The following FARSA variants were observed in gnomAD, a reference collection of about 807,000 sequenced individuals.
FARSA encodes the protein phenylalanyl-tRNA synthetase subunit alpha, also known as phenylalanine--tRNA ligase alpha subunit.
FARSA carries 37 observed loss-of-function variants against 63.2 expected under a neutral mutation model. The ratio of observed to expected loss-of-function variants is 0.59; its 90% CI spans 0.45 to 0.77. The LOEUF is 0.77. FARSA is among the 30% of genes least tolerant of loss of function. FARSA has a pLI of 0.00. For synonymous variants in FARSA, 312 were observed against 285.1 expected (o/e 1.09, Z -0.95); for missense variants, 618 against 696.6 (o/e 0.89, Z 1.27).
rs1971296896 is a variant in FARSA at position 12,924,117 on chromosome 19, G to A, written c.1388+34C>T. On this transcript the variant is annotated intron_variant, in intron 12 of 12. Coordinates refer to ENST00000314606, the MANE Select transcript of FARSA (RefSeq NM_004461.3). This position sits in a 1 kb window ranked among gnomAD's most constrained non-coding sequence, Gnocchi z 6.4. ...TATACCTGGAGAGTTATTTGAGGCA[G>A]CTGGACACCCCGAGTTTCCACTTGG... 1.3e-6 allele frequency: 2 copies of A among 1,546,068 alleles called. No individual in the cohort carries two copies. Among genetic ancestry groups the A allele is most frequent in the Non-Finnish European group, 1.8e-6 (2 of 1,117,834 alleles).
intron 7 of FARSA, among the ~76,000 whole-genome samples, chr19:12,928,021 C>A (rs1196602822): frequency 1.3e-4 from 2 of 14,818 alleles, no homozygotes; most frequent in East Asian, 8.3e-3. Context: ...GAGACCCTGT[C>A]TCAAAAAAAA....
Position 12,928,361 on chromosome 19 carries a change from G to T in FARSA, c.822C>A (p.His274Gln). Residue 274 changes from histidine to glutamine, a missense_variant, in exon 7 of 13, where the codon CAC becomes CAA. By Grantham distance (24) the His-to-Gln change is conservative (BLOSUM62 0). Coordinates refer to ENST00000314606, the MANE Select transcript of FARSA (RefSeq NM_004461.3). ...QPQQHPARDQ[H>Q]DTFFLRDPAE... ...ACCCACCTCGAAGGAAGAAGGTGTCGTGCTGGTCACGGGCTGGGTGCTGCT... is the reference window on the plus strand; with the variant it reads ...ACCCACCTCGAAGGAAGAAGGTGTCTTGCTGGTCACGGGCTGGGTGCTGCT... 6.2e-7 allele frequency: 1 copy of T among 1,614,034 alleles called. No homozygotes were observed. Among genetic ancestry groups the T allele is most frequent in the Non-Finnish European group, 8.5e-7 (1 of 1,179,980 alleles).
In FARSA at chr19:12,930,665, C is replaced by G. The variant is rs747205420; in HGVS notation, c.232G>C (p.Ala78Pro). The G allele has an allele frequency of 6.2e-7, 1 of 1,613,902 alleles. No individual in the cohort carries two copies. The highest frequency in any genetic ancestry group is 8.5e-7 in the Non-Finnish European group (1 of 1,179,996). Residue 78 changes from alanine to proline, a missense_variant, in exon 2 of 13, where the codon GCC becomes CCC. Physicochemically the swap from Ala to Pro is conservative, Grantham distance 27. Transcript: ENST00000314606. The part of the protein sequence containing the change: ...EEIAREGSHE[A>P]RVFRSIPPEG... Reference sequence around the variant, plus strand: ...GGGGGAATGCTTCGAAACACACGGGCCTCATGGCTGCCCTCCCGGGCAATC... The same window carrying G: ...GGGGGAATGCTTCGAAACACACGGGGCTCATGGCTGCCCTCCCGGGCAATC...
rs997945714 is a variant in FARSA at position 12,930,157 on chromosome 19, CCCACCATGCCT to C, written c.503+55_503+65del. 36 of 1,286,004 alleles carry C rather than the reference CCCACCATGCCT, an allele frequency of 2.8e-5. No homozygotes were observed. The African/African-American group carries it at 3.2e-4, about 11-fold the overall frequency. The allele number at this position is 1,286,004 out of a possible 1,614,324, so 79.7% of individuals were successfully genotyped here. A position where few individuals can be genotyped will look rare whatever the true frequency, so the allele number is the denominator to read the frequency against. On this transcript the variant is annotated intron_variant, in intron 4 of 12. Coordinates refer to ENST00000314606, the MANE Select transcript of FARSA (RefSeq NM_004461.3). ...CTTGGTGTGGGCAAGATGTCTCCCT[CCCACCATGCCT>C]CCACCATGCTTCGCAGGTGGTGGGG...
chr19:12,922,775 C>T lies in FARSA; in HGVS notation c.1500G>A (p.Arg500=). 3 of 1,613,962 alleles carry T rather than the reference C, an allele frequency of 1.9e-6. No homozygotes were observed. The highest frequency in any genetic ancestry group is 2.5e-6 in the Non-Finnish European group (3 of 1,180,022). Residue 500 remains arginine, a synonymous_variant, in exon 13 of 13, where the codon AGG becomes AGA. Coordinates refer to ENST00000314606, the MANE Select transcript of FARSA (RefSeq NM_004461.3). ...SPLCRLDAEP[R]PPPTQEAA is the part of the protein sequence containing the mutation. ...ACGCAGCCTCCTGTGTGGGAGGGGG[C>T]CTCGGCTCGGCATCCAGGCGGCACA...
At chr19:12,933,467 A>C in intron 1 of FARSA, 83 bp downstream of exon 1, 2 of 1,469,308 alleles carry the variant, frequency 1.4e-6, no homozygotes, top group Non-Finnish European at 9.1e-7. Flanking sequence ...GCCTGAGGGA[A>C]TTTGGCTTGG....
chr19:12,927,009 C>T (rs1312723442), intron 7 of FARSA, among the ~76,000 whole-genome samples: 1 of 152,236 alleles, frequency 6.6e-6, no homozygotes, highest in Non-Finnish European at 1.5e-5. Flanking sequence ...CACCCAATGA[C>T]CTCAACTGCC....
At position 12,933,662 on chromosome 19, in the gene FARSA, C is replaced by T; in HGVS notation, c.35G>A (p.Arg12Gln). The T allele has an allele frequency of 6.4e-7, 1 of 1,567,066 alleles. No individual in the cohort carries two copies. Among genetic ancestry groups the T allele is most frequent in the Non-Finnish European group, 8.6e-7 (1 of 1,160,344 alleles). ...ADGQVAELLLRRLEASDGGLD... is the reference protein window; with the variant it reads ...ADGQVAELLLQRLEASDGGLD... ...GCCGCCATCAGACGCCTCCAGCCGC[C>T]GGAGCAGCAGTTCCGCCACCTGACC... Residue 12 changes from arginine (R) to glutamine (Q), a missense_variant, in exon 1 of 13, where the codon CGG becomes CAG. By Grantham distance (43) the Arg-to-Gln change is conservative (BLOSUM62 1). Transcript: ENST00000314606.
intron 12 of FARSA, among the ~76,000 whole-genome samples, chr19:12,923,302 A>T (rs1971285816): frequency 6.6e-6 from 1 of 152,040 alleles, no homozygotes; most frequent in African/African-American, 2.4e-5. Context: ...TGCTGAGTGC[A>T]TTTGTTTTTT....
In FARSA at chr19:12,925,128, G is replaced by A. The variant is rs774853125; in HGVS notation, c.888C>T (p.Val296=). The A allele has an allele frequency of 1.9e-6, 3 of 1,607,334 alleles. No individual in the cohort carries two copies. The highest frequency in any genetic ancestry group is 2.5e-6 in the Non-Finnish European group (3 of 1,177,598). The change falls in exon 8 of 13, where the codon GTC becomes GTT. Residue 296 remains valine, a synonymous_variant. Coordinates refer to ENST00000314606, the MANE Select transcript of FARSA (RefSeq NM_004461.3). The part of the protein sequence containing the change: ...LQLPMDYVQR[V]KRTHSQGGYG... ...AGCCGCCCTGAGAGTGGGTCCGCTT[G>A]ACCCGCTGGACATAGTCCATTGGGA...
At chr19:12,932,080 C>T (rs181592318) in intron 1 of FARSA, among the ~76,000 whole-genome samples, 1 of 150,330 alleles carries the variant, frequency 6.7e-6, no homozygotes, top group Admixed American at 6.6e-5. Context: ...GCTCTGTCGC[C>T]CAGGCTGGAG....
At chr19:12,930,831 G>C in intron 1 of FARSA, 82 bp from the exon 2 acceptor site, 1 of 1,527,944 alleles carries the variant, frequency 6.5e-7, no homozygotes, top group South Asian at 1.1e-5. Context: ...CTGGGTCCCA[G>C]GTTGAAAGCA....
rs758225679 is a variant in FARSA at position 12,930,481 on chromosome 19, T to A, written c.332A>T (p.Lys111Met). ...KVGFSKAMSN[K>M]WIRVDKSAAD... Reference sequence around the variant, plus strand: ...CGCACTCTTGTCCACCCGAATCCACTTGTTGGACATGGCCTTGCTGAAGCC... The same window carrying A: ...CGCACTCTTGTCCACCCGAATCCACATGTTGGACATGGCCTTGCTGAAGCC... Residue 111 changes from lysine (K) to methionine (M), a missense_variant, in exon 3 of 13, where the codon AAG becomes ATG. Lys to Met is a moderately conservative substitution (Grantham distance 95). Transcript: ENST00000314606. The A allele has an allele frequency of 1.2e-6, 2 of 1,614,170 alleles. No homozygotes were observed. The highest frequency in any genetic ancestry group is 1.7e-6 in the Non-Finnish European group (2 of 1,180,012).
intron 7 of FARSA, 87 bp downstream of exon 7, chr19:12,928,255 T>C (rs1197168473): frequency 1.9e-6 from 2 of 1,074,806 alleles, no homozygotes; most frequent in African/African-American, 1.6e-5. Context: ...TAGACCTAAT[T>C]TGATCAAATG....
intron 4 of FARSA, 83 bp from the exon 5 acceptor site, chr19:12,928,930 A>G: frequency 8.4e-7 from 1 of 1,190,724 alleles, no homozygotes; most frequent in Non-Finnish European, 1.3e-6. Context: ...GAGGATCCCC[A>G]TGCTACCTAC....
Position 12,930,648 on chromosome 19 carries a change from G to A in FARSA, c.249C>T (p.Ser83=). The change falls in exon 2 of 13, where the codon AGC becomes AGT. Residue 83 remains serine, a synonymous_variant. Transcript: ENST00000314606. ...TCTGGGCCAGGCCCTCTGGGGGAATGCTTCGAAACACACGGGCCTCATGGC... is the reference window on the plus strand; with the variant it reads ...TCTGGGCCAGGCCCTCTGGGGGAATACTTCGAAACACACGGGCCTCATGGC... ...EGSHEARVFR[S]IPPEGLAQSE... 6.2e-7 allele frequency: 1 copy of A among 1,613,492 alleles called. No homozygotes were observed. Among genetic ancestry groups the A allele is most frequent in the Non-Finnish European group, 8.5e-7 (1 of 1,179,628 alleles).
intron 4 of FARSA, 56 bp from the exon 5 acceptor site, chr19:12,928,903 T>C: frequency 6.7e-7 from 1 of 1,490,520 alleles, no homozygotes; most frequent in Non-Finnish European, 9.4e-7. Flanking sequence ...GAGGACTTCC[T>C]TGATCTCCCG....
rs919052779 is a variant in FARSA, at chr19:12,922,565, C to T, written c.*183G>A. On this transcript the variant is annotated 3_prime_UTR_variant, in exon 13 of 13. Transcript: ENST00000314606. ...CTCACAGTAGACACACCACACAGGACAACAGAAGGAACCTGCTACCCAGTC... is the reference window on the plus strand; with the variant it reads ...CTCACAGTAGACACACCACACAGGATAACAGAAGGAACCTGCTACCCAGTC... 8 of 708,840 alleles carry T rather than the reference C, an allele frequency of 1.1e-5. No individual in the cohort carries two copies. In the Admixed American group the frequency reaches 2.3e-4, roughly 20 times the overall value. 43.9% of individuals were successfully genotyped at this position (708,840 alleles called of 1,614,324 possible).
At chr19:12,930,983 T>C (rs1320261576) in intron 1 of FARSA, among the ~76,000 whole-genome samples, 1 of 152,212 alleles carries the variant, frequency 6.6e-6, no homozygotes, top group Non-Finnish European at 1.5e-5. Context: ...CCTCCCAGGG[T>C]AAAGTACACC....
Sources: gnomAD v4.1 joint callset for allele counts (sites outside exome capture counted in the v4.1 genomes callset) on GRCh38, gnomAD v4.1.1 for gene constraint, Gnocchi (gnomAD v3.1) non-coding constraint, MANE v1.5 for transcripts, NCBI Gene and HGNC (gene_info 2026-07-23, HGNC 2026-07-21) for gene names.